The following CSF2RA variants were observed in gnomAD, a reference collection of about 807,000 sequenced individuals.
CSF2RA encodes colony stimulating factor 2 receptor subunit alpha.
A neutral mutation model predicts 51.6 loss-of-function variants in CSF2RA; 42 were observed. The ratio of observed to expected loss-of-function variants is 0.81; its 90% CI spans 0.64 to 1.05. CSF2RA has a LOEUF of 1.05. CSF2RA is among the 50% of genes least tolerant of loss of function. The pLI, the probability that CSF2RA is intolerant of heterozygous loss-of-function variation, is 0.00. For synonymous variants in CSF2RA, 222 were observed against 193.0 expected, an observed-to-expected ratio of 1.15 and a Z score of -1.24; for missense variants, 530 against 501.1, an observed-to-expected ratio of 1.06 and a Z score of -0.55.
chrX:1,303,431 G>C (rs1432841589), intron 10 of CSF2RA: 7 of 418,894 alleles, frequency 1.7e-5, no homozygotes, highest in African/African-American at 1.2e-4. Context: ...GCAGAGATGA[G>C]GTTTCACCAT....
At chrX:1,324,879 C>T in the CSF2RA span, among the ~76,000 whole-genome samples, 1 of 152,096 alleles carries the variant, frequency 6.6e-6, no homozygotes, top group East Asian at 1.9e-4. Context: ...GCAGGAAAGT[C>T]TGACCTCCTT....
chrX:1,316,299 TAGATAGAC>T, the CSF2RA span, among the ~76,000 whole-genome samples: 2,976 of 112,940 alleles, frequency 0.026, 41 homozygotes, highest in African/African-American at 0.059. Context: ...GATAGATAGA[TAGATAGAC>T]AGACAGACAG....
the CSF2RA span, among the ~76,000 whole-genome samples, chrX:1,324,920 T>C: frequency 2.6e-3 from 400 of 152,212 alleles, no homozygotes; most frequent in Non-Finnish European, 4.9e-3. Flanking sequence ...AACTGGGTAC[T>C]CAGCGATCAC....
the CSF2RA span, among the ~76,000 whole-genome samples, chrX:1,322,939 C>A: frequency 1.3e-5 from 2 of 150,422 alleles, no homozygotes; most frequent in Non-Finnish European, 2.9e-5. Flanking sequence ...ACCATCCTGG[C>A]TGACACGGTG....
intron 10 of CSF2RA, among the ~76,000 whole-genome samples, chrX:1,302,669 C>G (rs1269332592): frequency 1.1e-4 from 16 of 149,214 alleles, no homozygotes; most frequent in African/African-American, 4.0e-4. Flanking sequence ...CACGCTTGGC[C>G]AATTTTTGTA....
intron 11 of CSF2RA, among the ~76,000 whole-genome samples, chrX:1,304,514 A>G (rs1164625281): frequency 4.0e-5 from 6 of 151,590 alleles, no homozygotes; most frequent in Admixed American, 2.0e-4. Context: ...ATGGGAATGG[A>G]ACAGGCAGTC....
the CSF2RA span, among the ~76,000 whole-genome samples, chrX:1,323,750 C>T: frequency 6.6e-6 from 1 of 152,014 alleles, no homozygotes; most frequent in Non-Finnish European, 1.5e-5. Flanking sequence ...CGCAGTGGCT[C>T]ACGCCTGTAA....
chrX:1,294,904 C>T (rs2091778059), intron 8 of CSF2RA, among the ~76,000 whole-genome samples: 1 of 152,184 alleles, frequency 6.6e-6, no homozygotes, highest in South Asian at 2.1e-4. Context: ...CATGGAGACC[C>T]AGTGTAGACA....
the CSF2RA span, among the ~76,000 whole-genome samples, chrX:1,323,920 A>G: frequency 2.0e-5 from 3 of 152,072 alleles, no homozygotes; most frequent in East Asian, 3.9e-4. Flanking sequence ...AGGCTGAGGC[A>G]GGAGAATGGC....
downstream of CSF2RA, among the ~76,000 whole-genome samples, chrX:1,311,431 A>C (rs2084178177): frequency 8.3e-6 from 1 of 120,170 alleles, no homozygotes; most frequent in Non-Finnish European, 1.6e-5. Flanking sequence ...TCAGCCAAAT[A>C]AACCTGTTTG....
the CSF2RA span, among the ~76,000 whole-genome samples, chrX:1,322,439 GTTTTTT>G: frequency 2.1e-3 from 256 of 120,670 alleles, 2 homozygotes; most frequent in Admixed American, 4.7e-3. Flanking sequence ...GTGTGTGTTT[GTTTTTT>G]TTTTTTTTTT....
intron 6 of CSF2RA, among the ~76,000 whole-genome samples, chrX:1,289,807 GTGTTTTGTTTTGTTTTGTGTTTGTTTT>G (rs1205418964): frequency 2.9e-5 from 3 of 103,720 alleles, no homozygotes; most frequent in Admixed American, 1.9e-4. Context: ...TTGTGTTTTT[GTGTTTTGTTTTGTTTTGTGTTTGTTTT>G]TGTTTTGTTT....
At chrX:1,314,551 T>G (rs1454351475), downstream of CSF2RA, among the ~76,000 whole-genome samples, 19 of 103,138 alleles carry the variant, frequency 1.8e-4, no homozygotes, top group African/African-American at 7.3e-4. Flanking sequence ...CCAATCCCAC[T>G]GCACCTGCCC....
chrX:1,284,015 G>T (rs1278171798), intron 3 of CSF2RA, among the ~76,000 whole-genome samples: 1 of 150,602 alleles, frequency 6.6e-6, no homozygotes, highest in Non-Finnish European at 1.5e-5. Context: ...AGGTTTTTGT[G>T]ACCTGGTTCA....
intron 3 of CSF2RA, among the ~76,000 whole-genome samples, chrX:1,284,431 A>ATTT (rs1298855394): frequency 6.1e-4 from 18 of 29,356 alleles, no homozygotes; most frequent in African/African-American, 2.4e-3. Context: ...CTAGTTTTTG[A>ATTT]TTTTTTTTTT....
intron 6 of CSF2RA, among the ~76,000 whole-genome samples, chrX:1,289,434 T>TTTTGGTTGTTG (rs2091117094): frequency 6.6e-6 from 1 of 152,176 alleles, no homozygotes; most frequent in African/African-American, 2.4e-5. Context: ...TGGCCTGTTT[T>TTTTGGTTGTTG]TTTGGTTGTT....
At chrX:1,295,848 C>T (rs2091892610) in intron 9 of CSF2RA, among the ~76,000 whole-genome samples, 2 of 126,036 alleles carry the variant, frequency 1.6e-5, no homozygotes, top group African/African-American at 6.4e-5. Context: ...CCTACAGTCC[C>T]CTACTCACCA....
rs1418501378 is a variant in CSF2RA, at chrX:1,294,388, G to A, written c.707G>A (p.Arg236Gln). 33 of 1,613,942 alleles carry A rather than the reference G, an allele frequency of 2.0e-5. No individual in the cohort carries two copies. Among genetic ancestry groups the A allele is most frequent in the Non-Finnish European group, 2.3e-5 (27 of 1,179,872 alleles). Reference protein sequence around the residue: ...VRCNTTHCLVRWKQPRTYQKL... With the variant: ...VRCNTTHCLVQWKQPRTYQKL... ...TGCAACACGACGCACTGCCTCGTAC[G>A]GTGGAAACAGCCCAGGACCTATCAG... The change falls in exon 8 of 13, where the codon CGG becomes CAG. Residue 236 changes from arginine (R) to glutamine (Q), a missense_variant. Coordinates refer to ENST00000381529, the MANE Select transcript of CSF2RA (RefSeq NM_172245.4).
chrX:1,304,267 G>A lies in CSF2RA; in HGVS notation c.1043+248G>A, dbSNP rs1158643562. ...ACTAAAAAATTAGCCCGGCGTGGTC[G>A]CGGGCGCCTGTAGTCCCAGCTACTC... On this transcript the variant is annotated intron_variant, in intron 11 of 12. Transcript: ENST00000381529. Among the ~76,000 whole-genome samples, 3 of 82,222 alleles carry A rather than the reference G, an allele frequency of 3.6e-5. 1 individual carries two copies. Among genetic ancestry groups the A allele is most frequent in the Non-Finnish European group, 6.7e-5 (3 of 44,742 alleles). The allele number at this position is 82,222 out of a possible 152,430, so 53.9% of individuals were successfully genotyped here.
Sources: gnomAD v4.1 joint callset for allele counts (sites outside exome capture counted in the v4.1 genomes callset) on GRCh38, gnomAD v4.1.1 for gene constraint, MANE v1.5 for transcripts, NCBI Gene and HGNC (gene_info 2026-07-23, HGNC 2026-07-21) for gene names.